LHPP: variants seen among roughly 807,000 people sequenced by gnomAD.
LHPP encodes the protein hLHPP.
In LHPP, 24 loss-of-function variants were observed where a neutral mutation model predicts 30.3. That is an observed-to-expected ratio of 0.79 (90% CI 0.57 to 1.11). The LOEUF is 1.11. Ranked by LOEUF, LHPP falls within the 50% of genes most tolerant of loss-of-function variation. The pLI, the probability that LHPP is intolerant of heterozygous loss-of-function variation, is 0.00. For missense variants in LHPP, 356 were observed against 367.2 expected, an observed-to-expected ratio of 0.97 and a Z score of 0.25; for synonymous variants, 150 against 157.1, an observed-to-expected ratio of 0.95 and a Z score of 0.34.
chr10:124,570,784 C>T (rs893054017), intron 6 of LHPP, among the ~76,000 whole-genome samples: 5 of 152,222 alleles, frequency 3.3e-5, no homozygotes, highest in African/African-American at 7.2e-5. Context: ...ATCTGTGTTA[C>T]GGTGTGTATC....
chr10:124,603,220 C>T (rs977356014), intron 6 of LHPP, among the ~76,000 whole-genome samples: 5 of 152,170 alleles, frequency 3.3e-5, no homozygotes, highest in Non-Finnish European at 7.4e-5. Flanking sequence ...GGGAGGAAGG[C>T]GGGCACGGGT....
chr10:124,610,968 C>CT (rs1949186129), intron 6 of LHPP, among the ~76,000 whole-genome samples: 2 of 40,220 alleles, frequency 5.0e-5, no homozygotes, highest in African/African-American at 1.8e-4. Flanking sequence ...GGTGAGGGTG[C>CT]GGGTGAGGGT....
chr10:124,549,016 A>G (rs1156907673), intron 6 of LHPP, among the ~76,000 whole-genome samples: 1 of 151,864 alleles, frequency 6.6e-6, no homozygotes. Flanking sequence ...GACATCTATT[A>G]ACTTCTAAGT....
In LHPP at chr10:124,484,320, C is replaced by G. The variant is rs1564779112; in HGVS notation, c.307C>G (p.His103Asp). 1.2e-6 allele frequency: 2 copies of G among 1,612,148 alleles called. No individual in the cohort carries two copies. Among genetic ancestry groups the G allele is most frequent in the South Asian group, 1.1e-5 (1 of 91,058 alleles). Residue 103 changes from histidine to aspartate, a missense_variant, in exon 2 of 7, where the codon CAT becomes GAT. His to Asp is a moderately conservative substitution (Grantham distance 81). Transcript: ENST00000368842. ...AGGCCTGCGACCATACCTGCTCATC[C>G]ATGACGGTAGGCCTGTCGGACACCA... ...EQGLRPYLLIHDGVRSEFDQI... is the reference protein window; with the variant it reads ...EQGLRPYLLIDDGVRSEFDQI...
intron 5 of LHPP, among the ~76,000 whole-genome samples, chr10:124,509,766 A>G (rs1458743267): frequency 6.6e-6 from 1 of 151,682 alleles, no homozygotes; most frequent in East Asian, 1.9e-4. Flanking sequence ...TGCACCCCAG[A>G]GCTGCAGTTA....
intron 5 of LHPP, among the ~76,000 whole-genome samples, chr10:124,504,387 TTTG>T (rs1953999463): frequency 6.8e-6 from 1 of 147,392 alleles, no homozygotes; most frequent in Non-Finnish European, 1.5e-5. Context: ...AGCCCAAAAG[TTTG>T]AGACCAGCCT....
intron 6 of LHPP, among the ~76,000 whole-genome samples, chr10:124,600,705 CT>C (rs1293767942): frequency 2.6e-5 from 4 of 152,170 alleles, no homozygotes; most frequent in Non-Finnish European, 2.9e-5. Flanking sequence ...CCCCAGGGGC[CT>C]GCCTGTCTGC....
chr10:124,482,225 A>G (rs1425325747), intron 1 of LHPP, among the ~76,000 whole-genome samples: 1 of 152,246 alleles, frequency 6.6e-6, no homozygotes, highest in Non-Finnish European at 1.5e-5. Context: ...ATCTGTAAAC[A>G]GAACTTGAGC....
chr10:124,493,207 A>T (rs188773206), intron 3 of LHPP, among the ~76,000 whole-genome samples: 201 of 151,644 alleles, frequency 1.3e-3, no homozygotes, highest in Non-Finnish European at 2.6e-3. Context: ...AAAGTAGGAG[A>T]TTAGTGGCGT....
intron 6 of LHPP, among the ~76,000 whole-genome samples, chr10:124,603,301 C>A (rs1369180005): frequency 6.6e-6 from 1 of 152,152 alleles, no homozygotes; most frequent in South Asian, 2.1e-4. Context: ...TGTGTAGGGG[C>A]TCAGGGGGAG....
rs1392822299 is a variant in LHPP, at chr10:124,478,994, AG to A, written c.126-5143del. 6.6e-6 allele frequency among the ~76,000 whole-genome samples: 1 copy of A among 151,272 alleles called. No homozygotes were observed. The highest frequency in any genetic ancestry group is 1.5e-5 in the Non-Finnish European group (1 of 67,914). On this transcript the variant is annotated intron_variant, in intron 1 of 6. Transcript: ENST00000368842. This position sits in a 1 kb window ranked among gnomAD's most constrained non-coding sequence, Gnocchi z 4.7. ...TGAGGCAGGAGAATTGCTTGAACCC[AG>A]GAGGCGGAGGTTGCAGTGAGCTGAG...
At chr10:124,489,088 C>A (rs896458938) in intron 3 of LHPP, among the ~76,000 whole-genome samples, 1 of 152,226 alleles carries the variant, frequency 6.6e-6, no homozygotes, top group Non-Finnish European at 1.5e-5. Flanking sequence ...GCCTTTAGCA[C>A]ATGCCTTGCC....
At chr10:124,471,032 T>A (rs916627723) in intron 1 of LHPP, among the ~76,000 whole-genome samples, 3 of 152,264 alleles carry the variant, frequency 2.0e-5, no homozygotes, top group South Asian at 4.1e-4. Flanking sequence ...GGCCTCCTTA[T>A]GTAAACATTC....
intron 6 of LHPP, among the ~76,000 whole-genome samples, chr10:124,595,451 C>T (rs1312251850): frequency 6.6e-6 from 1 of 152,240 alleles, no homozygotes; most frequent in Admixed American, 6.5e-5. Flanking sequence ...TGTGCTGGAG[C>T]CTTGGCTGCC....
intron 1 of LHPP, among the ~76,000 whole-genome samples, chr10:124,470,648 T>TAACAACAAC (rs10682827): frequency 0.12 from 16,914 of 144,840 alleles, 1,171 homozygotes; most frequent in East Asian, 0.32. Context: ...GCAGCAATAG[T>TAACAACAAC]AACAACAACA....
chr10:124,535,671 G>T (rs1955005146), intron 6 of LHPP, among the ~76,000 whole-genome samples: 1 of 151,778 alleles, frequency 6.6e-6, no homozygotes, highest in Non-Finnish European at 1.5e-5. Context: ...GGATCCCAAA[G>T]TGCTGGAATT....
At chr10:124,467,864 A>T (rs1952603581) in intron 1 of LHPP, among the ~76,000 whole-genome samples, 1 of 152,066 alleles carries the variant, frequency 6.6e-6, no homozygotes, top group African/African-American at 2.4e-5. Flanking sequence ...GCCTGCCACC[A>T]TGCCTGGTTA....
chr10:124,515,477 C>T (rs1954427532), intron 5 of LHPP, among the ~76,000 whole-genome samples: 1 of 152,194 alleles, frequency 6.6e-6, no homozygotes, highest in African/African-American at 2.4e-5. Context: ...ATAAACTCAT[C>T]TTTCTCCTCC....
chr10:124,498,790 GCCCCCTTAA>G, intron 5 of LHPP: 1 of 440,078 alleles, frequency 2.3e-6, no homozygotes, highest in South Asian at 1.6e-5. Flanking sequence ...CCATCTCAGT[GCCCCCTTAA>G]CCCCCTTACT....
Sources: gnomAD v4.1 joint callset for allele counts (sites outside exome capture counted in the v4.1 genomes callset) on GRCh38, gnomAD v4.1.1 for gene constraint, Gnocchi (gnomAD v3.1) non-coding constraint, MANE v1.5 for transcripts, NCBI Gene and HGNC (gene_info 2026-07-23, HGNC 2026-07-21) for gene names.